SKAP2: variants seen among roughly 807,000 people sequenced by gnomAD.
The protein encoded by SKAP2 is src kinase associated phosphoprotein 2.
In SKAP2, 28 loss-of-function variants were observed where a neutral mutation model predicts 54.9. That is an observed-to-expected ratio of 0.51 (90% CI 0.38 to 0.70). SKAP2 has a LOEUF of 0.70. Ranked by LOEUF, SKAP2 falls within the 30% of genes least tolerant of loss-of-function variation. SKAP2 has a pLI of 0.00. For missense variants in SKAP2, 356 were observed against 424.1 expected (o/e 0.84, Z 1.41); for synonymous variants, 137 against 134.3 (o/e 1.02, Z -0.14).
At chr7:26,854,088 T>C in intron 3 of SKAP2, 49 bp downstream of exon 3, 1 of 1,375,564 alleles carries the variant, frequency 7.3e-7, no homozygotes, top group Non-Finnish European at 1.0e-6. Context: ...CTATTGAAAA[T>C]TTCCACAGAG....
intron 11 of SKAP2, among the ~76,000 whole-genome samples, chr7:26,674,420 C>T (rs879753645): frequency 9.2e-5 from 14 of 152,056 alleles, no homozygotes; most frequent in South Asian, 4.1e-4. Flanking sequence ...TTATTAACTC[C>T]GATTAGAAAC....
At chr7:26,694,038 A>C (rs1267236579) in intron 9 of SKAP2, among the ~76,000 whole-genome samples, 3 of 152,196 alleles carry the variant, frequency 2.0e-5, no homozygotes, top group Non-Finnish European at 4.4e-5. Flanking sequence ...AAAAATATGT[A>C]AGAACAAGTG....
intron 4 of SKAP2, among the ~76,000 whole-genome samples, chr7:26,794,862 G>T (rs1317150417): frequency 2.0e-5 from 3 of 152,188 alleles, no homozygotes; most frequent in African/African-American, 7.2e-5. Context: ...TGCAAGGAAG[G>T]TGGATATCTT....
At chr7:26,837,844 C>T (rs1009228272) in intron 4 of SKAP2, among the ~76,000 whole-genome samples, 34 of 149,018 alleles carry the variant, frequency 2.3e-4, no homozygotes, top group Non-Finnish European at 9.0e-5. Flanking sequence ...TCAACACTCC[C>T]TTAATCAAAA....
chr7:26,735,958 C>A (rs1024685827), intron 6 of SKAP2, among the ~76,000 whole-genome samples: 1 of 152,036 alleles, frequency 6.6e-6, no homozygotes, highest in Non-Finnish European at 1.5e-5. Context: ...AGAAACAAAT[C>A]TAAAATTTCA....
chr7:26,733,222 T>C (rs1787857996), intron 6 of SKAP2, among the ~76,000 whole-genome samples: 1 of 152,074 alleles, frequency 6.6e-6, no homozygotes, highest in African/African-American at 2.4e-5. Context: ...TAATTTCTGA[T>C]AAAAGTAGAA....
chr7:26,809,975 C>A (rs1408469258), intron 4 of SKAP2, among the ~76,000 whole-genome samples: 1 of 152,152 alleles, frequency 6.6e-6, no homozygotes, highest in Non-Finnish European at 1.5e-5. Context: ...ACCTGGAGGG[C>A]ATTAAGTTAA....
intron 10 of SKAP2, among the ~76,000 whole-genome samples, chr7:26,689,573 C>G (rs552310927): frequency 2.0e-5 from 3 of 152,274 alleles, no homozygotes; most frequent in Non-Finnish European, 2.9e-5. Context: ...TCCTTCCTAG[C>G]CTTTTAGGCC....
chr7:26,843,942 G>C (rs1057325605), intron 4 of SKAP2, 88 bp downstream of exon 4: 2 of 821,582 alleles, frequency 2.4e-6, no homozygotes, highest in African/African-American at 3.4e-5. Context: ...AAGCCTCTAT[G>C]TTCATCTGCT....
intron 4 of SKAP2, among the ~76,000 whole-genome samples, chr7:26,829,998 C>G (rs1020290183): frequency 1.3e-5 from 2 of 152,080 alleles, no homozygotes; most frequent in African/African-American, 4.8e-5. Flanking sequence ...ACACAAATGT[C>G]CATCAATTGA....
chr7:26,699,783 T>C (rs1468804315), intron 9 of SKAP2, among the ~76,000 whole-genome samples: 1 of 152,186 alleles, frequency 6.6e-6, no homozygotes, highest in Non-Finnish European at 1.5e-5. Flanking sequence ...AGGGTAGTTT[T>C]AGTTAAATAT....
chr7:26,756,659 T>C (rs1373932315), intron 4 of SKAP2, among the ~76,000 whole-genome samples: 2 of 152,238 alleles, frequency 1.3e-5, no homozygotes, highest in Non-Finnish European at 2.9e-5. Flanking sequence ...TGTGTCTTTA[T>C]AGCAGCATGA....
chr7:26,838,366 C>T (rs895729556), intron 4 of SKAP2, among the ~76,000 whole-genome samples: 2 of 152,160 alleles, frequency 1.3e-5, no homozygotes, highest in African/African-American at 4.8e-5. Context: ...CCTCACCTCA[C>T]TGCCACCATT....
At chr7:26,689,656 C>A (rs1029510739) in intron 10 of SKAP2, among the ~76,000 whole-genome samples, 6 of 152,160 alleles carry the variant, frequency 3.9e-5, no homozygotes, top group African/African-American at 1.4e-4. Flanking sequence ...CATTTGCTTT[C>A]TGTGTTAATC....
chr7:26,686,633 C>T (rs1786648450), intron 10 of SKAP2, among the ~76,000 whole-genome samples: 1 of 152,134 alleles, frequency 6.6e-6, no homozygotes, highest in African/African-American at 2.4e-5. Flanking sequence ...TGACTGATTT[C>T]CTTTAAAAAC....
intron 4 of SKAP2, among the ~76,000 whole-genome samples, chr7:26,796,499 G>C (rs1471813419): frequency 3.9e-5 from 6 of 152,208 alleles, no homozygotes. Flanking sequence ...AAGTGCCACT[G>C]GTGATGCTAA....
At chr7:26,819,447 C>T (rs1229510579) in intron 4 of SKAP2, among the ~76,000 whole-genome samples, 1 of 151,912 alleles carries the variant, frequency 6.6e-6, no homozygotes, top group Non-Finnish European at 1.5e-5. Context: ...GGATAGATAA[C>T]ATTAGGAGAA....
chr7:26,680,527 T>G (rs976473866), intron 11 of SKAP2, among the ~76,000 whole-genome samples: 5 of 152,234 alleles, frequency 3.3e-5, no homozygotes, highest in African/African-American at 1.2e-4. Context: ...CAATTGTTAA[T>G]TCACTAACAA....
chr7:26,695,374 A>T (rs1190359371), intron 9 of SKAP2, among the ~76,000 whole-genome samples: 1 of 152,222 alleles, frequency 6.6e-6, no homozygotes, highest in Non-Finnish European at 1.5e-5. Context: ...CCATTATGTA[A>T]CTAAATCCTC....
Sources: allele counts gnomAD v4.1 joint callset (sites outside exome capture counted in the v4.1 genomes callset), GRCh38; gene constraint gnomAD v4.1.1; transcripts MANE v1.5; gene names NCBI Gene and HGNC (gene_info 2026-07-23, HGNC 2026-07-21).